Variants in MED27 observed in about 807,000 individuals in gnomAD.
MED27 encodes the protein mediator of RNA polymerase II transcription subunit 27.
Under a neutral mutation model 38.2 loss-of-function variants are expected in MED27, and 30 were observed. That is an observed-to-expected ratio of 0.79 (90% CI 0.59 to 1.07). MED27 has a LOEUF of 1.07. Ranked by LOEUF, MED27 falls within the 50% of genes least tolerant of loss-of-function variation. The pLI is 0.00. For synonymous variants in MED27, 122 were observed against 153.5 expected, an observed-to-expected ratio of 0.79 and a Z score of 1.52; for missense variants, 289 against 397.5, an observed-to-expected ratio of 0.73 and a Z score of 2.32.
intron 3 of MED27, among the ~76,000 whole-genome samples, chr9:131,965,297 C>A (rs943246615): frequency 3.3e-5 from 5 of 152,190 alleles, no homozygotes; most frequent in Non-Finnish European, 2.9e-5. Context: ...GTGGAATGTG[C>A]TTCTAGCGCG....
chr9:131,983,502 C>T (rs557279923), intron 3 of MED27, among the ~76,000 whole-genome samples: 1 of 152,302 alleles, frequency 6.6e-6, no homozygotes, highest in South Asian at 2.1e-4. Flanking sequence ...ACAAAATTGG[C>T]TTTGACTTTG....
chr9:131,904,942 C>G (rs11243559), intron 4 of MED27, among the ~76,000 whole-genome samples: 14,055 of 152,212 alleles, frequency 0.092, 1,318 homozygotes, highest in East Asian at 0.39. Flanking sequence ...ATCTTCCTAT[C>G]TCATCTCGTC....
intron 6 of MED27, chr9:131,869,115 G>A (rs1838784612): frequency 1.0e-6 from 1 of 985,422 alleles, no homozygotes; most frequent in Non-Finnish European, 1.2e-6. Context: ...GCAATCACTT[G>A]ATTTCTTCAA....
rs182646878 is a variant in MED27, at chr9:132,024,029, T to C, written c.349-9562A>G. On this transcript the variant is annotated intron_variant, in intron 2 of 7. Coordinates refer to ENST00000292035, the MANE Select transcript of MED27 (RefSeq NM_004269.4). ...ACCTGCTTTCCTTTGTACTTGGCCA[T>C]GAAGCAGCAAAGGCTGACACTCTGG... is the stretch of plus-strand genomic sequence containing the variant. Among the ~76,000 whole-genome samples the C allele has an allele frequency of 5.5e-3, 845 of 152,268 alleles. 3 individuals carry two copies. The highest frequency in any genetic ancestry group is 8.4e-3 in the Non-Finnish European group (570 of 68,012).
At chr9:131,989,841 C>G (rs974489269) in intron 3 of MED27, among the ~76,000 whole-genome samples, 3 of 151,986 alleles carry the variant, frequency 2.0e-5, no homozygotes, top group Non-Finnish European at 4.4e-5. Context: ...CTATAACCTA[C>G]AGCTATGATA....
chr9:131,961,138 G>A (rs1385111495), intron 3 of MED27, among the ~76,000 whole-genome samples: 1 of 152,230 alleles, frequency 6.6e-6, no homozygotes, highest in Non-Finnish European at 1.5e-5. Flanking sequence ...CTGAGCTCTT[G>A]CTTATCAACA....
chr9:131,919,723 G>C lies in MED27; in HGVS notation c.573+19658C>G, dbSNP rs35767717. On this transcript the variant is annotated intron_variant, in intron 4 of 7. Coordinates refer to ENST00000292035, the MANE Select transcript of MED27 (RefSeq NM_004269.4). ...CTGGCTGAGGAAACCTCTAGCATCA[G>C]GTCACTATGTACCCCATGAATTTTA... 3.4e-3 allele frequency among the ~76,000 whole-genome samples: 518 copies of C among 152,106 alleles called. 2 individuals are homozygous for C. The highest frequency in any genetic ancestry group is 5.4e-3 in the Non-Finnish European group (364 of 67,984).
rs568185383 is a variant in MED27 at position 132,079,738 on chromosome 9, T to C, written c.107A>G (p.Lys36Arg). 78 of 1,613,668 alleles carry C rather than the reference T, an allele frequency of 4.8e-5. 2 individuals are homozygous for C. The South Asian group carries it at 7.9e-4, about 16-fold the overall frequency. The change falls in exon 1 of 8, where the codon AAG becomes AGG. Residue 36 changes from lysine to arginine, a missense_variant. Coordinates refer to ENST00000292035, the MANE Select transcript of MED27 (RefSeq NM_004269.4). Reference protein sequence around the residue: ...SSVSRVFDCLKDGMRNKETLE... With the variant: ...SSVSRVFDCLRDGMRNKETLE... ...CGTCTCCTTGTTCCGCATCCCATCC[T>C]TCAGGCAGTCGAACACCCTGCTCAC...
chr9:131,896,588 G>A (rs889831202), intron 4 of MED27, among the ~76,000 whole-genome samples: 1 of 152,074 alleles, frequency 6.6e-6, no homozygotes, highest in African/African-American at 2.4e-5. Context: ...AACAAAGGAA[G>A]AAGACAGTTG....
chr9:131,958,223 T>C (rs563980506), intron 3 of MED27, among the ~76,000 whole-genome samples: 2 of 151,774 alleles, frequency 1.3e-5, no homozygotes, highest in South Asian at 2.1e-4. Flanking sequence ...CAAATATTAA[T>C]AGGATGAGAG....
chr9:131,953,416 C>T (rs1831036420), intron 3 of MED27, among the ~76,000 whole-genome samples: 1 of 152,176 alleles, frequency 6.6e-6, no homozygotes, highest in Non-Finnish European at 1.5e-5. Context: ...ATGTCATACA[C>T]ATAAAAGTGG....
intron 2 of MED27, among the ~76,000 whole-genome samples, chr9:132,041,309 C>G (rs371154241): frequency 6.6e-6 from 1 of 152,124 alleles, no homozygotes; most frequent in Admixed American, 6.5e-5. Flanking sequence ...GAACTGAGCA[C>G]GCACACACGA....
chr9:131,908,163 C>G (rs1156952384), intron 4 of MED27, among the ~76,000 whole-genome samples: 1 of 141,074 alleles, frequency 7.1e-6, no homozygotes, highest in Non-Finnish European at 1.6e-5. Flanking sequence ...GCCGCCCCGT[C>G]CAGGAGGTGA....
At chr9:131,902,748 G>C (rs1829974526) in intron 4 of MED27, among the ~76,000 whole-genome samples, 1 of 152,186 alleles carries the variant, frequency 6.6e-6, no homozygotes, top group Non-Finnish European at 1.5e-5. Context: ...CAGATACAAA[G>C]TTGTTATAGC....
chr9:131,995,893 A>C (rs1832081166), intron 3 of MED27, among the ~76,000 whole-genome samples: 1 of 152,188 alleles, frequency 6.6e-6, no homozygotes, highest in South Asian at 2.1e-4. Flanking sequence ...AATAGGAAGA[A>C]TACTTGGGTC....
rs1333370907 is a variant in MED27 at position 131,883,848 on chromosome 9, C to A, written c.723+210G>T. On this transcript the variant is annotated intron_variant, in intron 6 of 7. Coordinates refer to ENST00000292035, the MANE Select transcript of MED27 (RefSeq NM_004269.4). The surrounding 1 kb of genome is among the most constrained non-coding windows in gnomAD (Gnocchi z 4.2). Reference sequence around the variant, plus strand: ...CCCTTTGGGGCCAAGTCCCTGTACCCACCCTTAGGCAACCACGGATCTGAT... The same window carrying A: ...CCCTTTGGGGCCAAGTCCCTGTACCAACCCTTAGGCAACCACGGATCTGAT... Among the ~76,000 whole-genome samples the A allele has an allele frequency of 6.6e-6, 1 of 152,194 alleles. No individual in the cohort carries two copies. The highest frequency in any genetic ancestry group is 1.5e-5 in the Non-Finnish European group (1 of 68,038).
intron 3 of MED27, among the ~76,000 whole-genome samples, chr9:131,953,818 CTTTT>C (rs35830214): frequency 7.4e-6 from 1 of 135,278 alleles, no homozygotes. Flanking sequence ...ACTTTTATAT[CTTTT>C]TTTTTTTTTT....
At chr9:131,969,171 C>CG (rs1376456883) in intron 3 of MED27, among the ~76,000 whole-genome samples, 2 of 135,452 alleles carry the variant, frequency 1.5e-5, no homozygotes, top group Admixed American at 1.5e-4. Flanking sequence ...AACCACCCCC[C>CG]GCTCCTGCCC....
intron 3 of MED27, among the ~76,000 whole-genome samples, chr9:132,011,090 A>G (rs1832476964): frequency 6.6e-6 from 1 of 152,220 alleles, no homozygotes; most frequent in African/African-American, 2.4e-5. Context: ...GGATATTGAT[A>G]TGCAAATTTG....
Sources: gnomAD v4.1 joint callset for allele counts (sites outside exome capture counted in the v4.1 genomes callset) on GRCh38, gnomAD v4.1.1 for gene constraint, Gnocchi (gnomAD v3.1) non-coding constraint, MANE v1.5 for transcripts, NCBI Gene and HGNC (gene_info 2026-07-23, HGNC 2026-07-21) for gene names.